The following KCNJ6 variants were observed in gnomAD, a reference collection of about 807,000 sequenced individuals.
KCNJ6 encodes the protein potassium inwardly rectifying channel subfamily J member 6, also known as G protein-activated inward rectifier potassium channel 2.
In KCNJ6, 9 loss-of-function variants were observed where a neutral mutation model predicts 34.2. That is an observed-to-expected ratio of 0.26 (90% CI 0.16 to 0.46). The LOEUF (loss-of-function observed/expected upper bound fraction) is 0.46, where lower values mean the gene tolerates loss of function less well. KCNJ6 is among the 20% of genes least tolerant of loss of function. The pLI, the probability that KCNJ6 is intolerant of heterozygous loss-of-function variation, is 1.00. For synonymous variants in KCNJ6, 196 were observed against 207.1 expected, an observed-to-expected ratio of 0.95 and a Z score of 0.46; for missense variants, 236 against 531.3, an observed-to-expected ratio of 0.44 and a Z score of 5.46.
At chr21:37,735,213 G>GAC (rs2054906760) in intron 2 of KCNJ6, among the ~76,000 whole-genome samples, 1 of 152,174 alleles carries the variant, frequency 6.6e-6, no homozygotes, top group Admixed American at 6.5e-5. Context: ...AAGATTCTCT[G>GAC]ACACAATGGG....
intron 2 of KCNJ6, among the ~76,000 whole-genome samples, chr21:37,719,046 T>TA (rs1049981868): frequency 1.3e-5 from 2 of 149,480 alleles, no homozygotes; most frequent in Admixed American, 6.7e-5. Flanking sequence ...TTGAGAGAAA[T>TA]AAAAAAAGCC....
Position 37,625,299 on chromosome 21 carries a change from C to T in KCNJ6, c.1132G>A (p.Glu378Lys), listed in dbSNP as rs777214818. Residue 378 changes from glutamate to lysine, a missense_variant, in exon 4 of 4, where the codon GAG becomes AAG. Coordinates refer to ENST00000609713, the MANE Select transcript of KCNJ6 (RefSeq NM_002240.5). Reference protein sequence around the residue: ...KELAELASRAELPLSWSVSSK... With the variant: ...KELAELASRAKLPLSWSVSSK... ...GATACAGACCAACTCAGGGGCAGCT[C>T]TGCCCTGCTGGCTAACTCGGCCAGC... 5.6e-6 allele frequency: 9 copies of T among 1,614,240 alleles called. No homozygotes were observed. Among genetic ancestry groups the T allele is most frequent in the Non-Finnish European group, 7.6e-6 (9 of 1,180,046 alleles).
chr21:37,856,782 G>C (rs1338513899), intron 1 of KCNJ6, among the ~76,000 whole-genome samples: 1 of 152,172 alleles, frequency 6.6e-6, no homozygotes, highest in African/African-American at 2.4e-5. Context: ...AGTATGGTGA[G>C]TGTAAACTGC....
chr21:37,719,566 G>A (rs1218003110), intron 2 of KCNJ6: 1 of 152,194 alleles, frequency 6.6e-6, no homozygotes, highest in African/African-American at 2.4e-5. Flanking sequence ...CCCAAAGAAT[G>A]GCGCTGAGAA....
At chr21:37,674,788 T>C (rs765094471) in intron 3 of KCNJ6, among the ~76,000 whole-genome samples, 4 of 152,098 alleles carry the variant, frequency 2.6e-5, no homozygotes, top group Non-Finnish European at 5.9e-5. Context: ...TTAGTCTTTC[T>C]CTGCTCACTT....
intron 1 of KCNJ6, among the ~76,000 whole-genome samples, chr21:37,876,035 T>C (rs2055676250): frequency 6.6e-6 from 1 of 152,228 alleles, no homozygotes; most frequent in Non-Finnish European, 1.5e-5. Context: ...ATATAATTTG[T>C]GGGGCCTAGT....
At chr21:37,784,415 G>A (rs1304512804) in intron 2 of KCNJ6, among the ~76,000 whole-genome samples, 4 of 152,320 alleles carry the variant, frequency 2.6e-5, no homozygotes, top group South Asian at 4.1e-4. Context: ...AGTAAGCTGG[G>A]TGTCACAAAG....
At chr21:37,819,320 T>A (rs2055362850) in intron 2 of KCNJ6, among the ~76,000 whole-genome samples, 1 of 152,162 alleles carries the variant, frequency 6.6e-6, no homozygotes, top group Admixed American at 6.5e-5. Flanking sequence ...AGAATTGAGA[T>A]CAGAGTGTCA....
intron 3 of KCNJ6, among the ~76,000 whole-genome samples, chr21:37,656,805 G>A (rs557693088): frequency 6.6e-6 from 1 of 152,310 alleles, no homozygotes; most frequent in South Asian, 2.1e-4. Context: ...TCTCTGGGGA[G>A]GGGAGGCTGC....
intron 3 of KCNJ6, among the ~76,000 whole-genome samples, chr21:37,704,235 A>G (rs201015083): frequency 1.2e-4 from 14 of 116,270 alleles, no homozygotes; most frequent in Non-Finnish European, 2.2e-4. Flanking sequence ...AATCCTTAAC[A>G]TCATCTAGGG....
intron 2 of KCNJ6, among the ~76,000 whole-genome samples, chr21:37,718,325 G>C (rs551947844): frequency 1.3e-5 from 2 of 152,270 alleles, no homozygotes; most frequent in African/African-American, 4.8e-5. Context: ...TATATATTTT[G>C]TGTCTGTTTT....
intron 3 of KCNJ6, among the ~76,000 whole-genome samples, chr21:37,630,485 G>A (rs1787330): frequency 0.74 from 111,954 of 152,032 alleles, 41,628 homozygotes; most frequent in East Asian, 0.9. Flanking sequence ...AATATTGTTC[G>A]TTGGCCATGT....
Position 37,755,287 on chromosome 21 carries a change from GAAAAAAGAAA to G in KCNJ6, c.26-40166_26-40157del, listed in dbSNP as rs1189308567. Among the ~76,000 whole-genome samples the G allele has an allele frequency of 1.1e-4, 17 of 150,002 alleles. No homozygotes were observed. In the East Asian group the frequency reaches 2.5e-3, roughly 22 times the overall value. On this transcript the variant is annotated intron_variant, in intron 2 of 3. Coordinates refer to ENST00000609713, the MANE Select transcript of KCNJ6 (RefSeq NM_002240.5). ...GGACATCTATGTTCAGTGGCAAAAT[GAAAAAAGAAA>G]AAAAAAGAAAAAAACAACTACACAA...
chr21:37,657,120 T>G (rs2054467808), intron 3 of KCNJ6, among the ~76,000 whole-genome samples: 1 of 152,070 alleles, frequency 6.6e-6, no homozygotes, highest in Admixed American at 6.5e-5. Context: ...AGGGGACCAG[T>G]CCACCCAGAA....
chr21:37,895,999 AG>A, intron 1 of KCNJ6, among the ~76,000 whole-genome samples: 1 of 152,324 alleles, frequency 6.6e-6, no homozygotes, highest in South Asian at 2.1e-4. Context: ...AAGAGTTTTA[AG>A]GGGCTCACGG....
chr21:37,831,365 T>C (rs1399408836), intron 2 of KCNJ6, among the ~76,000 whole-genome samples: 1 of 152,198 alleles, frequency 6.6e-6, no homozygotes, highest in African/African-American at 2.4e-5. Context: ...ACTAATGTGA[T>C]GAAGAAGCAT....
At chr21:37,913,583 G>T (rs1323322008) in intron 1 of KCNJ6, among the ~76,000 whole-genome samples, 2 of 152,210 alleles carry the variant, frequency 1.3e-5, no homozygotes, top group Non-Finnish European at 2.9e-5. Flanking sequence ...ACTCTGGGAG[G>T]CTGAGGCAGG....
chr21:37,614,392 G>C lies in KCNJ6; in HGVS notation c.*10767C>G, dbSNP rs2054253910. ...TGTGTGTGTGTGTGTGTATATCTGTGTGTGCGTATGCATGTGTCTGTGTCT... is the reference window on the plus strand; with the variant it reads ...TGTGTGTGTGTGTGTGTATATCTGTCTGTGCGTATGCATGTGTCTGTGTCT... On this transcript the variant is annotated 3_prime_UTR_variant, in exon 4 of 4. Coordinates refer to ENST00000609713, the MANE Select transcript of KCNJ6 (RefSeq NM_002240.5). 1 of 152,020 alleles carries C rather than the reference G, an allele frequency of 6.6e-6. No individual in the cohort carries two copies. 9.4% of individuals were successfully genotyped at this position (152,020 alleles called of 1,614,324 possible).
intron 3 of KCNJ6, among the ~76,000 whole-genome samples, chr21:37,679,457 A>T (rs1278861743): frequency 6.6e-6 from 1 of 152,226 alleles, no homozygotes; most frequent in African/African-American, 2.4e-5. Context: ...AGGAGCAGTA[A>T]GGATTTTGTG....
Sources: allele counts gnomAD v4.1 joint callset (sites outside exome capture counted in the v4.1 genomes callset), GRCh38; gene constraint gnomAD v4.1.1; transcripts MANE v1.5; gene names NCBI Gene and HGNC (gene_info 2026-07-23, HGNC 2026-07-21).